The following CELF2 variants were observed in gnomAD, a reference collection of about 807,000 sequenced individuals.
CELF2 encodes CUG triplet repeat RNA-binding protein 2.
In CELF2, 8 loss-of-function variants were observed where a neutral mutation model predicts 62.6. That is an observed-to-expected ratio of 0.13 (90% confidence interval 0.07 to 0.23). The LOEUF is 0.23. CELF2 is among the 10% of genes least tolerant of loss of function. The pLI is 1.00. For synonymous variants in CELF2, 258 were observed against 250.0 expected, an observed-to-expected ratio of 1.03 and a Z score of -0.30; for missense variants, 333 against 671.0, an observed-to-expected ratio of 0.50 and a Z score of 5.56.
Position 11,321,996 on chromosome 10 carries a change from C to T in CELF2, c.1294+610C>T, listed in dbSNP as rs116946073. 6.6e-6 allele frequency among the ~76,000 whole-genome samples: 1 copy of T among 152,190 alleles called. No individual in the cohort carries two copies. Among genetic ancestry groups the T allele is most frequent in the Non-Finnish European group, 1.5e-5 (1 of 68,038 alleles). On this transcript the variant is annotated intron_variant, in intron 11 of 12. Coordinates refer to ENST00000633077, the MANE Select transcript of CELF2 (RefSeq NM_001326342.2). The surrounding 1 kb of genome is among the most constrained non-coding windows in gnomAD (Gnocchi z 6.2). ...ATTAAGTTCTATAAACTATTAATTTCCCATAAACTACTTCATAGCTGCTGA... is the reference window on the plus strand; with the variant it reads ...ATTAAGTTCTATAAACTATTAATTTTCCATAAACTACTTCATAGCTGCTGA...
intron 1 of CELF2, among the ~76,000 whole-genome samples, chr10:10,802,773 T>C (rs183602671): frequency 1.2e-4 from 19 of 152,300 alleles, no homozygotes; most frequent in African/African-American, 3.8e-4. Context: ...CTCTTCCAAC[T>C]CCATCCTCTC....
intron 1 of CELF2, among the ~76,000 whole-genome samples, chr10:10,832,936 G>A (rs969218408): frequency 5.3e-5 from 8 of 151,908 alleles, no homozygotes; most frequent in Non-Finnish European, 7.4e-5. Flanking sequence ...TTAGGACAGC[G>A]TTTTAGAGCT....
the CELF2 span, among the ~76,000 whole-genome samples, chr10:10,756,765 C>T: frequency 6.6e-6 from 1 of 152,034 alleles, no homozygotes; most frequent in Admixed American, 6.6e-5. Context: ...TGTCTTAGTG[C>T]AAATATAAAG....
chr10:11,166,612 C>G (rs2067277117), intron 2 of CELF2, among the ~76,000 whole-genome samples: 1 of 152,204 alleles, frequency 6.6e-6, no homozygotes, highest in African/African-American at 2.4e-5. Context: ...GGAGTCCTCT[C>G]TGTTGTTCTG....
the CELF2 span, among the ~76,000 whole-genome samples, chr10:10,491,484 G>A: frequency 6.6e-6 from 1 of 152,100 alleles, no homozygotes; most frequent in Non-Finnish European, 1.5e-5. Flanking sequence ...ACATACGCTG[G>A]CAGCCCTGTG....
intron 1 of CELF2, among the ~76,000 whole-genome samples, chr10:11,009,809 T>C (rs575284316): frequency 1.7e-4 from 26 of 152,336 alleles, no homozygotes; most frequent in Admixed American, 1.7e-3. Context: ...ACAAACTTTG[T>C]TGTCATGGAA....
chr10:11,325,580 A>G (rs1262956608), intron 11 of CELF2, among the ~76,000 whole-genome samples: 1 of 152,240 alleles, frequency 6.6e-6, no homozygotes, highest in East Asian at 1.9e-4. Context: ...TGCATATGCC[A>G]AGGGGCAGTG....
rs868597622 is a variant in CELF2, at chr10:11,107,465, C to T, written c.75-58021C>T. On this transcript the variant is annotated intron_variant, in intron 1 of 12. Coordinates refer to ENST00000633077, the MANE Select transcript of CELF2 (RefSeq NM_001326342.2). ...AGAGTTTGGCCGCTTAGATGCTACC[C>T]TACAGAAGACTGGAGGAATGGCAAC... 2.0e-5 allele frequency among the ~76,000 whole-genome samples: 3 copies of T among 152,252 alleles called. No individual in the cohort carries two copies. In the South Asian group the frequency reaches 6.2e-4, roughly 32 times the overall value.
the CELF2 span, among the ~76,000 whole-genome samples, chr10:10,530,759 G>A: frequency 6.6e-6 from 1 of 152,226 alleles, no homozygotes; most frequent in Non-Finnish European, 1.5e-5. Context: ...TCCATTGAAA[G>A]AAGAAAGATT....
intron 2 of CELF2, among the ~76,000 whole-genome samples, chr10:10,956,935 T>TAAA (rs777089169): frequency 7.1e-6 from 1 of 141,632 alleles, no homozygotes; most frequent in South Asian, 2.3e-4. Context: ...CACCGTCTCT[T>TAAA]AAAAAAAAAA....
rs573452268 is a variant in CELF2 at position 11,117,443 on chromosome 10, A to G, written c.75-48043A>G. Among the ~76,000 whole-genome samples the G allele has an allele frequency of 1.3e-5, 2 of 152,328 alleles. No individual in the cohort carries two copies. The highest frequency in any genetic ancestry group is 2.4e-5 in the African/African-American group (1 of 41,580). ...TGGCTCTCCAGGAATGAAGATGCTC[A>G]AGGAGGCCTTGCTGTCTACCTGTGC... On this transcript the variant is annotated intron_variant, in intron 1 of 12. Transcript: ENST00000633077. The surrounding 1 kb of genome is among the most constrained non-coding windows in gnomAD (Gnocchi z 4.1).
chr10:10,759,510 A>G, the CELF2 span, among the ~76,000 whole-genome samples: 2,743 of 151,948 alleles, frequency 0.018, 82 homozygotes, highest in African/African-American at 0.063. Context: ...GGGTTTCACC[A>G]TGTTGGCCAG....
chr10:10,577,160 G>A, the CELF2 span, among the ~76,000 whole-genome samples: 2 of 152,246 alleles, frequency 1.3e-5, no homozygotes, highest in East Asian at 1.9e-4. Flanking sequence ...AGTAAATGAT[G>A]AGAATATCTC....
the CELF2 span, among the ~76,000 whole-genome samples, chr10:10,702,455 G>C: frequency 6.6e-6 from 1 of 152,288 alleles, no homozygotes; most frequent in African/African-American, 2.4e-5. Context: ...TTGTGTCAAC[G>C]TTTGAGCCAT....
At chr10:10,826,273 A>T (rs2057382002) in intron 1 of CELF2, among the ~76,000 whole-genome samples, 1 of 152,148 alleles carries the variant, frequency 6.6e-6, no homozygotes. Context: ...ATCAAGGATC[A>T]TGGAGGCTGT....
At chr10:10,726,054 A>G in the CELF2 span, among the ~76,000 whole-genome samples, 1 of 152,180 alleles carries the variant, frequency 6.6e-6, no homozygotes, top group African/African-American at 2.4e-5. Context: ...ATTTGTCACA[A>G]GAAAGTTCAG....
intron 1 of CELF2, among the ~76,000 whole-genome samples, chr10:10,835,598 G>A (rs923414144): frequency 6.6e-6 from 1 of 152,052 alleles, no homozygotes; most frequent in Non-Finnish European, 1.5e-5. Context: ...GGCCAGACTG[G>A]TCTCAAACTC....
At chr10:10,630,984 A>C in the CELF2 span, among the ~76,000 whole-genome samples, 1 of 152,202 alleles carries the variant, frequency 6.6e-6, no homozygotes, top group Non-Finnish European at 1.5e-5. Context: ...GACAGTTGCC[A>C]GGGGAGCTCT....
intron 4 of CELF2, 125 bp from the exon 5 acceptor site, chr10:11,257,613 A>G (rs2079211558): frequency 1.0e-6 from 1 of 999,640 alleles, no homozygotes; most frequent in Non-Finnish European, 1.5e-6. Context: ...ACGTCTGCAG[A>G]GTTGGCCTTG....
Sources: allele counts gnomAD v4.1 joint callset (sites outside exome capture counted in the v4.1 genomes callset), GRCh38; gene constraint gnomAD v4.1.1; non-coding constraint Gnocchi (gnomAD v3.1); transcripts MANE v1.5; gene names NCBI Gene and HGNC (gene_info 2026-07-23, HGNC 2026-07-21).